The following ATE1 variants were observed in gnomAD, a reference collection of about 807,000 sequenced individuals.
ATE1 encodes the protein arginyl-tRNA--protein transferase 1.
In ATE1, 36 loss-of-function variants were observed where a neutral mutation model predicts 70.5. That is an observed-to-expected ratio of 0.51 (90% CI 0.39 to 0.67). The LOEUF is 0.67. ATE1 is among the 30% of genes least tolerant of loss of function. ATE1 has a pLI of 0.00. For missense variants in ATE1, 593 were observed against 629.5 expected (o/e 0.94, Z 0.62); for synonymous variants, 232 against 219.3 (o/e 1.06, Z -0.51).
At chr10:121,866,738 T>C (rs1001561513) in intron 8 of ATE1, among the ~76,000 whole-genome samples, 6 of 151,306 alleles carry the variant, frequency 4.0e-5, no homozygotes, top group Non-Finnish European at 5.9e-5. Context: ...TCCCAGCTAC[T>C]TGGGGGGCTA....
intron 10 of ATE1, among the ~76,000 whole-genome samples, chr10:121,835,670 G>C (rs896929637): frequency 6.6e-6 from 1 of 152,006 alleles, no homozygotes; most frequent in African/African-American, 2.4e-5. Context: ...ATACTTTCTA[G>C]GTATATGATG....
intron 11 of ATE1, among the ~76,000 whole-genome samples, chr10:121,779,828 G>A (rs1474279932): frequency 6.6e-6 from 1 of 152,080 alleles, no homozygotes; most frequent in African/African-American, 2.4e-5. Flanking sequence ...ACTAAAACAA[G>A]GTCTTCACCA....
intron 8 of ATE1, among the ~76,000 whole-genome samples, chr10:121,848,254 T>C (rs1048722826): frequency 6.6e-6 from 1 of 151,786 alleles, no homozygotes; most frequent in Non-Finnish European, 1.5e-5. Flanking sequence ...ATGTAGTACA[T>C]CATTCTAGGA....
At chr10:121,798,547 A>G (rs978706621) in intron 10 of ATE1, among the ~76,000 whole-genome samples, 2 of 152,374 alleles carry the variant, frequency 1.3e-5, no homozygotes, top group Admixed American at 1.3e-4. Flanking sequence ...TGTTAAGAAC[A>G]TAGTCCTCAT....
chr10:121,850,548 T>C (rs1185617457), intron 8 of ATE1, among the ~76,000 whole-genome samples: 2 of 152,198 alleles, frequency 1.3e-5, no homozygotes, highest in Non-Finnish European at 2.9e-5. Flanking sequence ...TATCATGAAA[T>C]AATTTTGAAC....
intron 1 of ATE1, among the ~76,000 whole-genome samples, 154 bp downstream of exon 1, chr10:121,927,690 A>G (rs549182360): frequency 6.6e-6 from 1 of 152,246 alleles, no homozygotes; most frequent in African/African-American, 2.4e-5. Flanking sequence ...TGCCCCGCTA[A>G]GCCGGCGCCG....
intron 11 of ATE1, among the ~76,000 whole-genome samples, chr10:121,760,765 A>C (rs1471062563): frequency 6.6e-6 from 1 of 152,272 alleles, no homozygotes; most frequent in Admixed American, 6.5e-5. Context: ...TTCTGAAAGA[A>C]GTTCTACTGC....
chr10:121,792,619 A>G (rs958069404), intron 10 of ATE1, among the ~76,000 whole-genome samples: 2 of 152,204 alleles, frequency 1.3e-5, no homozygotes, highest in African/African-American at 4.8e-5. Context: ...AGTGTAATAA[A>G]GCCAGATATT....
At chr10:121,804,851 T>G (rs1044214402) in intron 10 of ATE1, among the ~76,000 whole-genome samples, 1 of 152,242 alleles carries the variant, frequency 6.6e-6, no homozygotes, top group African/African-American at 2.4e-5. Context: ...AATTGTCTCC[T>G]GAGAGCTTCC....
chr10:121,863,505 C>A (rs973666717), intron 8 of ATE1, among the ~76,000 whole-genome samples: 3 of 152,154 alleles, frequency 2.0e-5, no homozygotes, highest in African/African-American at 7.2e-5. Context: ...CCTGCCTCGA[C>A]CTCCAAAAGT....
intron 8 of ATE1, among the ~76,000 whole-genome samples, chr10:121,852,331 T>C (rs946942937): frequency 1.3e-5 from 2 of 152,230 alleles, no homozygotes; most frequent in Admixed American, 1.3e-4. Flanking sequence ...CACCCAAAGG[T>C]AATCCTTTTA....
At chr10:121,926,018 C>T (rs1952074960) in intron 1 of ATE1, among the ~76,000 whole-genome samples, 2 of 152,038 alleles carry the variant, frequency 1.3e-5, no homozygotes, top group African/African-American at 4.8e-5. Context: ...CCAAGCCTGG[C>T]CAACATGGTG....
intron 7 of ATE1, among the ~76,000 whole-genome samples, chr10:121,892,129 G>T (rs1590646523): frequency 2.0e-5 from 3 of 152,288 alleles, no homozygotes; most frequent in Non-Finnish European, 4.4e-5. Flanking sequence ...AAGCCAAGTA[G>T]CACATCCCAA....
At chr10:121,821,679 A>G (rs1947802948) in intron 10 of ATE1, among the ~76,000 whole-genome samples, 1 of 152,166 alleles carries the variant, frequency 6.6e-6, no homozygotes, top group African/African-American at 2.4e-5. Context: ...TCAGGAGTTC[A>G]AGGGCAGCCT....
intron 11 of ATE1, among the ~76,000 whole-genome samples, chr10:121,785,169 G>A (rs575540715): frequency 6.7e-4 from 102 of 152,188 alleles, no homozygotes; most frequent in Non-Finnish European, 1.3e-3. Context: ...CTTGAAGTGG[G>A]TAGTTTGACC....
chr10:121,759,000 G>A (rs1037786296), intron 11 of ATE1, among the ~76,000 whole-genome samples: 1 of 151,956 alleles, frequency 6.6e-6, no homozygotes, highest in Admixed American at 6.6e-5. Context: ...ATTGAAATTA[G>A]GCCAATTAAA....
At chr10:121,860,568 A>C (rs1322688223) in intron 8 of ATE1, among the ~76,000 whole-genome samples, 1 of 152,246 alleles carries the variant, frequency 6.6e-6, no homozygotes, top group Non-Finnish European at 1.5e-5. Context: ...AAAAATTTTA[A>C]AGAAACTTTA....
intron 8 of ATE1, among the ~76,000 whole-genome samples, chr10:121,852,835 T>TAAA (rs2133886273): frequency 6.6e-6 from 1 of 152,162 alleles, no homozygotes; most frequent in East Asian, 1.9e-4. Flanking sequence ...AATGAAAAAG[T>TAAA]AATAAATTTG....
intron 8 of ATE1, 137 bp downstream of exon 8, chr10:121,869,869 C>T (rs1198295683): frequency 1.4e-6 from 1 of 709,230 alleles, no homozygotes; most frequent in Non-Finnish European, 2.3e-6. Flanking sequence ...GTAACTCACT[C>T]CATTACTGTT....
Sources: gnomAD v4.1 joint callset for allele counts (sites outside exome capture counted in the v4.1 genomes callset) on GRCh38, gnomAD v4.1.1 for gene constraint, MANE v1.5 for transcripts, NCBI Gene and HGNC (gene_info 2026-07-23, HGNC 2026-07-21) for gene names.